The following LYRM4 variants were observed in gnomAD, a reference collection of about 807,000 sequenced individuals.
The protein encoded by LYRM4 is LYR motif-containing protein 4.
In LYRM4, 9 loss-of-function variants were observed where a neutral mutation model predicts 11.7. The observed-to-expected ratio is 0.77, with a 90% CI of 0.46 to 1.34. The LOEUF is 1.34. Among genes scored for constraint, LYRM4 ranks in the 40% most tolerant of loss-of-function variants. The probability of loss-of-function intolerance (pLI) is 0.00; values close to 1 mark genes in which losing one functional copy is unlikely to be tolerated. For missense variants in LYRM4, 133 were observed against 112.5 expected, an observed-to-expected ratio of 1.18 and a Z score of -0.82; for synonymous variants, 42 against 40.4, an observed-to-expected ratio of 1.04 and a Z score of -0.15.
intron 2 of LYRM4, among the ~76,000 whole-genome samples, chr6:5,167,249 G>A (rs1354375376): frequency 6.6e-6 from 1 of 152,108 alleles, no homozygotes; most frequent in African/African-American, 2.4e-5. Flanking sequence ...GCACAGAAGG[G>A]CATAAAGTTA....
chr6:5,119,398 T>C (rs1373479979), intron 2 of LYRM4, among the ~76,000 whole-genome samples: 2 of 152,118 alleles, frequency 1.3e-5, no homozygotes, highest in South Asian at 2.1e-4. Flanking sequence ...CATTCTCAGG[T>C]GTCTGCCTCA....
intron 2 of LYRM4, among the ~76,000 whole-genome samples, chr6:5,204,327 T>C (rs988510157): frequency 1.3e-5 from 2 of 152,172 alleles, no homozygotes; most frequent in Non-Finnish European, 2.9e-5. Flanking sequence ...TTGGCTTCTT[T>C]TCTGGAAAGG....
intron 2 of LYRM4, among the ~76,000 whole-genome samples, chr6:5,149,037 A>G (rs1382843157): frequency 1.3e-5 from 2 of 152,354 alleles, no homozygotes; most frequent in Admixed American, 1.3e-4. Context: ...TTATATTTTT[A>G]GGATTGGAAA....
At chr6:5,256,821 T>C (rs1309449019) in intron 1 of LYRM4, among the ~76,000 whole-genome samples, 2 of 152,202 alleles carry the variant, frequency 1.3e-5, no homozygotes, top group Non-Finnish European at 2.9e-5. Context: ...CTGTATTACC[T>C]GAGTCAGTTA....
intron 2 of LYRM4, among the ~76,000 whole-genome samples, chr6:5,117,919 A>G (rs1763198409): frequency 6.6e-6 from 1 of 151,344 alleles, no homozygotes; most frequent in Non-Finnish European, 1.5e-5. Flanking sequence ...AGTAACCCTG[A>G]CCCTCCAAAA....
chr6:5,133,468 T>C (rs1581344944), intron 2 of LYRM4, among the ~76,000 whole-genome samples: 1 of 152,294 alleles, frequency 6.6e-6, no homozygotes, highest in East Asian at 1.9e-4. Flanking sequence ...CCGTCCAGCC[T>C]CTGTCAATGA....
chr6:5,158,708 A>G (rs906006400), intron 2 of LYRM4, among the ~76,000 whole-genome samples: 1 of 152,038 alleles, frequency 6.6e-6, no homozygotes, highest in Non-Finnish European at 1.5e-5. Flanking sequence ...CCTGGCCTCA[A>G]GCAATCCTTC....
At chr6:5,137,944 C>T (rs980975022) in intron 2 of LYRM4, among the ~76,000 whole-genome samples, 16 of 152,170 alleles carry the variant, frequency 1.1e-4, no homozygotes. Flanking sequence ...CAAGTCTTCT[C>T]ACCCCTTTCC....
chr6:5,169,611 C>A (rs115925198), intron 2 of LYRM4, among the ~76,000 whole-genome samples: 2,123 of 152,226 alleles, frequency 0.014, 42 homozygotes, highest in African/African-American at 0.046. Flanking sequence ...GAAATACACA[C>A]CTATTTTCAT....
the LYRM4 span, chr6:5,086,343 A>G: frequency 4.6e-6 from 7 of 1,535,746 alleles, no homozygotes; most frequent in Non-Finnish European, 6.1e-6. Context: ...CCTCCGAGCC[A>G]GGGTCCGGGG....
chr6:5,178,316 A>G (rs753288901), intron 2 of LYRM4, among the ~76,000 whole-genome samples: 5 of 152,198 alleles, frequency 3.3e-5, no homozygotes, highest in Non-Finnish European at 5.9e-5. Flanking sequence ...CTAAAACTGA[A>G]GGCCATTCTG....
chr6:5,090,721 C>T, the LYRM4 span, among the ~76,000 whole-genome samples: 1 of 152,188 alleles, frequency 6.6e-6, no homozygotes, highest in African/African-American at 2.4e-5. This position sits in a 1 kb window ranked among gnomAD's most constrained non-coding sequence, Gnocchi z 4.8. Context: ...TTGAGCCTGT[C>T]CACAAGGAGG....
intron 2 of LYRM4, among the ~76,000 whole-genome samples, chr6:5,120,062 T>C (rs1256738764): frequency 6.6e-6 from 1 of 151,872 alleles, no homozygotes; most frequent in East Asian, 2.0e-4. Flanking sequence ...GTCTGGCTAA[T>C]TTTTTTGTAT....
At chr6:5,120,441 G>A (rs1265355187) in intron 2 of LYRM4, among the ~76,000 whole-genome samples, 1 of 152,194 alleles carries the variant, frequency 6.6e-6, no homozygotes, top group African/African-American at 2.4e-5. Context: ...TGAAGCCACA[G>A]ACCTTTACCG....
At chr6:5,220,348 G>GTAA (rs1762514274) in intron 1 of LYRM4, among the ~76,000 whole-genome samples, 2 of 152,148 alleles carry the variant, frequency 1.3e-5, no homozygotes, top group South Asian at 4.1e-4. Context: ...ACCACCTAAT[G>GTAA]TAATGCCTTT....
At chr6:5,243,583 T>A (rs1446583936) in intron 1 of LYRM4, among the ~76,000 whole-genome samples, 1 of 151,984 alleles carries the variant, frequency 6.6e-6, no homozygotes, top group Non-Finnish European at 1.5e-5. Flanking sequence ...GGGAAATAAT[T>A]CCCTGTGATA....
At chr6:5,070,374 C>T in the LYRM4 span, among the ~76,000 whole-genome samples, 1 of 152,012 alleles carries the variant, frequency 6.6e-6, no homozygotes, top group African/African-American at 2.4e-5. Context: ...TGGGTGGGCA[C>T]AAAAGATAAA....
chr6:5,184,953 C>A (rs192717319), intron 2 of LYRM4, among the ~76,000 whole-genome samples: 1 of 152,180 alleles, frequency 6.6e-6, no homozygotes, highest in Non-Finnish European at 1.5e-5. Context: ...CAGGGTCGCA[C>A]GAGGTTGCTA....
At chr6:5,064,914 C>A in the LYRM4 span, among the ~76,000 whole-genome samples, 1 of 151,958 alleles carries the variant, frequency 6.6e-6, no homozygotes, top group Non-Finnish European at 1.5e-5. Flanking sequence ...TAGTTTACAT[C>A]AAGGCTTAGT....
Sources: allele counts gnomAD v4.1 joint callset (sites outside exome capture counted in the v4.1 genomes callset), GRCh38; gene constraint gnomAD v4.1.1; non-coding constraint Gnocchi (gnomAD v3.1); transcripts MANE v1.5; gene names NCBI Gene and HGNC (gene_info 2026-07-23, HGNC 2026-07-21).